The following ZNF407 variants were observed in gnomAD, a reference collection of about 807,000 sequenced individuals.
The protein encoded by ZNF407 is zinc finger protein 407.
ZNF407 carries 17 observed loss-of-function variants against 131.2 expected under a neutral mutation model. The ratio of observed to expected loss-of-function variants is 0.13; its 90% CI spans 0.09 to 0.19. The LOEUF is 0.19. ZNF407 is among the 10% of genes least tolerant of loss of function. ZNF407 has a pLI of 1.00. For synonymous variants in ZNF407, 1,156 were observed against 1,062.0 expected (o/e 1.09, Z -1.72); for missense variants, 2,681 against 2,830.6 (o/e 0.95, Z 1.20).
intron 3 of ZNF407, among the ~76,000 whole-genome samples, chr18:74,769,927 A>G (rs1188298031): frequency 6.6e-6 from 1 of 152,230 alleles, no homozygotes; most frequent in African/African-American, 2.4e-5. Flanking sequence ...AGAGAGACAC[A>G]GGACAGTTGA....
In ZNF407 at chr18:75,063,613, A is replaced by G. The variant is rs751837910; in HGVS notation, c.5892A>G (p.Ile1964Met). 1 of 1,580,784 alleles carries G rather than the reference A, an allele frequency of 6.3e-7. No homozygotes were observed. Among genetic ancestry groups the G allele is most frequent in the South Asian group, 1.1e-5 (1 of 86,992 alleles). The change falls in exon 9 of 9, where the codon ATA becomes ATG. Residue 1964 changes from isoleucine to methionine, a missense_variant. This residue lies in a region of ZNF407 where 620 missense variants were observed against 583.1 expected (regional missense o/e 1.06). Transcript: ENST00000299687. The surrounding 1 kb of genome is among the most constrained non-coding windows in gnomAD (Gnocchi z 6.6). ...CCCTCAGTCCAGGTGGCGCTGTGATACAACAGGTGACCAAGCAGGAGATTT... is the reference window on the plus strand; with the variant it reads ...CCCTCAGTCCAGGTGGCGCTGTGATGCAACAGGTGACCAAGCAGGAGATTT... ...DESLSPGGAV[I>M]QQVTKQEILN...
At chr18:75,027,793 G>A (rs1433585058) in intron 8 of ZNF407, among the ~76,000 whole-genome samples, 2 of 152,150 alleles carry the variant, frequency 1.3e-5, no homozygotes, top group African/African-American at 4.8e-5. Context: ...TGAGACAGAA[G>A]GAAATGAGAG....
chr18:74,827,901 A>G (rs1014368854), intron 4 of ZNF407, among the ~76,000 whole-genome samples: 2 of 152,112 alleles, frequency 1.3e-5, no homozygotes, highest in African/African-American at 2.4e-5. Flanking sequence ...TAGCCTTCCC[A>G]TGTTTGTTCA....
At chr18:74,667,426 T>G (rs1377294131) in intron 3 of ZNF407, among the ~76,000 whole-genome samples, 2 of 152,176 alleles carry the variant, frequency 1.3e-5, no homozygotes, top group Non-Finnish European at 2.9e-5. Flanking sequence ...CAGTCCCAGG[T>G]ACAGTGCTTT....
At chr18:74,878,848 C>T (rs1971197084) in intron 5 of ZNF407, among the ~76,000 whole-genome samples, 1 of 148,978 alleles carries the variant, frequency 6.7e-6, no homozygotes, top group Non-Finnish European at 1.5e-5. Flanking sequence ...AAAAAACACT[C>T]TGTTTGGCTG....
chr18:74,927,901 A>G (rs959128591), intron 8 of ZNF407, among the ~76,000 whole-genome samples: 1 of 152,234 alleles, frequency 6.6e-6, no homozygotes, highest in African/African-American at 2.4e-5. Context: ...GGGCTACAGA[A>G]GGCCTACTTA....
intron 6 of ZNF407, among the ~76,000 whole-genome samples, chr18:74,884,002 G>C (rs145908777): frequency 6.6e-6 from 1 of 152,296 alleles, no homozygotes; most frequent in East Asian, 1.9e-4. Context: ...TTTGAGAGTA[G>C]CCAATATCTT....
At chr18:74,788,256 T>C (rs1969758742) in intron 4 of ZNF407, among the ~76,000 whole-genome samples, 1 of 152,212 alleles carries the variant, frequency 6.6e-6, no homozygotes, top group Non-Finnish European at 1.5e-5. Flanking sequence ...AGTTTTGCAA[T>C]AGAAATTGTT....
At chr18:74,920,464 G>T (rs755014419) in intron 7 of ZNF407, 50 bp from the exon 8 acceptor site, 2 of 1,446,822 alleles carry the variant, frequency 1.4e-6, no homozygotes, top group Non-Finnish European at 1.9e-6. Flanking sequence ...TGTAAGATAA[G>T]GTTATTGGTT....
At chr18:75,062,908 G>A (rs1973654763) in intron 8 of ZNF407, 1 of 414,684 alleles carries the variant, frequency 2.4e-6, no homozygotes. Context: ...ACAGCTCACA[G>A]GGCTGTGGGG....
chr18:75,009,736 G>A (rs1972952353), intron 8 of ZNF407, among the ~76,000 whole-genome samples: 2 of 152,054 alleles, frequency 1.3e-5, no homozygotes, highest in African/African-American at 2.4e-5. Flanking sequence ...GACATAGATA[G>A]CTTCAGTAAC....
intron 1 of ZNF407, among the ~76,000 whole-genome samples, chr18:74,627,807 T>TGCC (rs768862900): frequency 5.4e-4 from 74 of 138,130 alleles, no homozygotes; most frequent in African/African-American, 1.5e-3. Context: ...TCTCTCTTTC[T>TGCC]CTCTTTCTGC....
At position 75,035,479 on chromosome 18, in the gene ZNF407, T is replaced by A. The variant is rs565756254; in HGVS notation, c.5429-27671T>A. Reference sequence around the variant, plus strand: ...CGTTCAGTATGGCAAATGGAATAGGTAGATACCAATAGAATGGACCTCAGG... The same window carrying A: ...CGTTCAGTATGGCAAATGGAATAGGAAGATACCAATAGAATGGACCTCAGG... On this transcript the variant is annotated intron_variant, in intron 8 of 8. Coordinates refer to ENST00000299687, the MANE Select transcript of ZNF407 (RefSeq NM_017757.3). Among the ~76,000 whole-genome samples the A allele has an allele frequency of 2.0e-5, 3 of 152,322 alleles. No individual in the cohort carries two copies. In the South Asian group the frequency reaches 6.2e-4, roughly 32 times the overall value.
chr18:74,600,212 G>T (rs566683670), intron 1 of ZNF407, among the ~76,000 whole-genome samples: 3 of 152,218 alleles, frequency 2.0e-5, no homozygotes, highest in African/African-American at 4.8e-5. Context: ...TTATTGGAAG[G>T]CTATAGATGG....
chr18:74,801,892 C>T (rs576049912), intron 4 of ZNF407, among the ~76,000 whole-genome samples: 1 of 152,272 alleles, frequency 6.6e-6, no homozygotes, highest in African/African-American at 2.4e-5. Context: ...TACATAGTTC[C>T]TTCAAAATGT....
intron 4 of ZNF407, among the ~76,000 whole-genome samples, chr18:74,832,642 T>C (rs1292699976): frequency 6.6e-6 from 1 of 152,114 alleles, no homozygotes; most frequent in African/African-American, 2.4e-5. Flanking sequence ...ATGCAGTAAG[T>C]TGAAAAAAAT....
At chr18:74,916,374 G>C in intron 7 of ZNF407, among the ~76,000 whole-genome samples, 1 of 115,524 alleles carries the variant, frequency 8.7e-6, no homozygotes, top group East Asian at 3.0e-4. Context: ...GTGTGTGCTG[G>C]TATGGTGAGG....
At chr18:74,979,530 A>G (rs1358142108) in intron 8 of ZNF407, among the ~76,000 whole-genome samples, 1 of 152,114 alleles carries the variant, frequency 6.6e-6, no homozygotes, top group Non-Finnish European at 1.5e-5. Flanking sequence ...GACCTCAGGT[A>G]ATCCACCCAC....
chr18:74,991,555 ATTC>A (rs1324945113), intron 8 of ZNF407, among the ~76,000 whole-genome samples: 2 of 152,178 alleles, frequency 1.3e-5, no homozygotes, highest in Admixed American at 6.5e-5. Context: ...ATACATATAT[ATTC>A]TTCTTTAAAA....
Sources: gnomAD v4.1 joint callset for allele counts (sites outside exome capture counted in the v4.1 genomes callset) on GRCh38, gnomAD v4.1.1 for gene constraint, gnomAD v4.1.1 regional missense constraint, Gnocchi (gnomAD v3.1) non-coding constraint, MANE v1.5 for transcripts, NCBI Gene and HGNC (gene_info 2026-07-23, HGNC 2026-07-21) for gene names.